GSTCD: variants seen among roughly 807,000 people sequenced by gnomAD.
GSTCD encodes the protein glutathione S-transferase C-terminal domain-containing protein.
Under a neutral mutation model 68.3 loss-of-function variants are expected in GSTCD, and 44 were observed. The observed-to-expected ratio is 0.64, with a 90% CI of 0.51 to 0.83. The LOEUF is 0.83. Ranked by LOEUF, GSTCD falls within the 40% of genes least tolerant of loss-of-function variation. GSTCD has a pLI of 0.00. For missense variants in GSTCD, 739 were observed against 735.9 expected (o/e 1.00, Z -0.05); for synonymous variants, 273 against 255.2 (o/e 1.07, Z -0.67).
chr4:105,731,168 G>A (rs953210396), intron 5 of GSTCD, among the ~76,000 whole-genome samples: 2 of 152,168 alleles, frequency 1.3e-5, no homozygotes, highest in African/African-American at 4.8e-5. Context: ...GTAGTGTGAT[G>A]TCTCCAGCTT....
At chr4:105,771,782 A>G (rs550110835) in intron 5 of GSTCD, among the ~76,000 whole-genome samples, 10 of 152,128 alleles carry the variant, frequency 6.6e-5, no homozygotes, top group Non-Finnish European at 1.2e-4. Flanking sequence ...GCCTTGTAGT[A>G]TAGTCTGAAG....
At chr4:105,844,747 A>G (rs1033827919) in intron 11 of GSTCD, among the ~76,000 whole-genome samples, 3 of 152,228 alleles carry the variant, frequency 2.0e-5, no homozygotes, top group Non-Finnish European at 4.4e-5. Context: ...CATTTTTCCC[A>G]AGCTACTTTT....
At chr4:105,749,109 G>T (rs1733914549) in intron 5 of GSTCD, among the ~76,000 whole-genome samples, 1 of 151,844 alleles carries the variant, frequency 6.6e-6, no homozygotes, top group Non-Finnish European at 1.5e-5. Flanking sequence ...TAGAGAACTA[G>T]TAGAAAGGTA....
chr4:105,827,082 T>G (rs1723666930), intron 8 of GSTCD: 1 of 152,172 alleles, frequency 6.6e-6, no homozygotes. Context: ...AATGTAGACA[T>G]GTAATCTAGA....
intron 5 of GSTCD, among the ~76,000 whole-genome samples, chr4:105,818,047 A>G (rs941040655): frequency 6.6e-6 from 1 of 151,864 alleles, no homozygotes; most frequent in Admixed American, 6.6e-5. Flanking sequence ...TAATCTTTTC[A>G]TTTAATTGGA....
At chr4:105,785,893 GT>G (rs533600795) in intron 5 of GSTCD, among the ~76,000 whole-genome samples, 75 of 152,170 alleles carry the variant, frequency 4.9e-4, no homozygotes, top group Admixed American at 8.5e-4. Flanking sequence ...TACTAAACAA[GT>G]TTACCAATAT....
intron 5 of GSTCD, among the ~76,000 whole-genome samples, chr4:105,773,619 C>T (rs568146308): frequency 6.6e-6 from 1 of 152,152 alleles, no homozygotes; most frequent in Non-Finnish European, 1.5e-5. Context: ...GTTATTTACC[C>T]TGTAGTCACT....
At chr4:105,716,005 A>G (rs1732669214) in intron 1 of GSTCD, among the ~76,000 whole-genome samples, 2 of 152,202 alleles carry the variant, frequency 1.3e-5, no homozygotes, top group South Asian at 2.1e-4. Flanking sequence ...GAAAATAGCC[A>G]TGAAGAATCT....
chr4:105,732,884 T>C (rs1445506205), intron 5 of GSTCD, among the ~76,000 whole-genome samples: 1 of 152,248 alleles, frequency 6.6e-6, no homozygotes, highest in Non-Finnish European at 1.5e-5. Flanking sequence ...GATTCTGTTA[T>C]GTTGTGTCTT....
At chr4:105,834,908 A>G (rs765154494) in intron 9 of GSTCD, among the ~76,000 whole-genome samples, 41 of 152,172 alleles carry the variant, frequency 2.7e-4, no homozygotes, top group Non-Finnish European at 4.3e-4. Flanking sequence ...CATAATGTCT[A>G]TGAGAGGCAG....
intron 5 of GSTCD, among the ~76,000 whole-genome samples, chr4:105,820,060 C>G (rs1234951027): frequency 4.6e-5 from 7 of 151,672 alleles, no homozygotes; most frequent in African/African-American, 9.7e-5. Context: ...AAATTAAGAG[C>G]TGCCTGATTT....
At chr4:105,829,215 A>G (rs1578518027) in intron 8 of GSTCD, among the ~76,000 whole-genome samples, 1 of 150,146 alleles carries the variant, frequency 6.7e-6, no homozygotes, top group African/African-American at 2.4e-5. Context: ...AAAGAAAGGC[A>G]CCTATCCAGG....
intron 5 of GSTCD, among the ~76,000 whole-genome samples, chr4:105,784,528 A>C (rs1178393685): frequency 2.0e-5 from 3 of 152,238 alleles, no homozygotes; most frequent in Non-Finnish European, 4.4e-5. Context: ...CTTACAACAC[A>C]TGAACTTTTG....
chr4:105,732,565 G>T (rs972151740), intron 5 of GSTCD, among the ~76,000 whole-genome samples: 20 of 151,864 alleles, frequency 1.3e-4, no homozygotes, highest in African/African-American at 4.8e-4. Context: ...ATTGCATCTA[G>T]TTGATTCTTC....
At chr4:105,827,398 C>A (rs1723688881) in intron 8 of GSTCD, among the ~76,000 whole-genome samples, 1 of 152,156 alleles carries the variant, frequency 6.6e-6, no homozygotes. Flanking sequence ...ATGTATATAT[C>A]TCTTTGGAAG....
chr4:105,793,071 G>A (rs908215583), intron 5 of GSTCD, among the ~76,000 whole-genome samples: 15 of 151,806 alleles, frequency 9.9e-5, no homozygotes, highest in Admixed American at 2.0e-4. Context: ...GCTTATAAAA[G>A]TCTCATATAA....
At chr4:105,723,334 A>G (rs1732931138) in intron 3 of GSTCD, among the ~76,000 whole-genome samples, 1 of 151,874 alleles carries the variant, frequency 6.6e-6, no homozygotes, top group Non-Finnish European at 1.5e-5. Flanking sequence ...ATGGCCTTCC[A>G]TATCCATTGG....
At chr4:105,829,187 TAAAAAAA>T (rs761947774) in intron 8 of GSTCD, among the ~76,000 whole-genome samples, 1 of 114,948 alleles carries the variant, frequency 8.7e-6, no homozygotes, top group Non-Finnish European at 1.8e-5. Flanking sequence ...CAGCTATAAT[TAAAAAAA>T]AAAAAAAAAA....
chr4:105,723,293 CT>C (rs201126028), intron 3 of GSTCD, among the ~76,000 whole-genome samples: 2 of 150,880 alleles, frequency 1.3e-5, no homozygotes, highest in Non-Finnish European at 3.0e-5. Context: ...ATTTTTCAAA[CT>C]TTTTTTTTAC....
Sources: allele counts gnomAD v4.1 joint callset (sites outside exome capture counted in the v4.1 genomes callset), GRCh38; gene constraint gnomAD v4.1.1; transcripts MANE v1.5; gene names NCBI Gene and HGNC (gene_info 2026-07-23, HGNC 2026-07-21).